The following ZNF385D variants were observed in gnomAD, a reference collection of about 807,000 sequenced individuals.
ZNF385D encodes zinc finger protein 659.
Under a neutral mutation model 35.8 loss-of-function variants are expected in ZNF385D, and 15 were observed. That is an observed-to-expected ratio of 0.42 (90% CI 0.28 to 0.64). The LOEUF is 0.64. ZNF385D is among the 30% of genes least tolerant of loss of function. The probability of loss-of-function intolerance (pLI) is 0.23; values close to 1 mark genes in which losing one functional copy is unlikely to be tolerated. For synonymous variants in ZNF385D, 212 were observed against 186.8 expected, an observed-to-expected ratio of 1.13 and a Z score of -1.10; for missense variants, 474 against 494.6, an observed-to-expected ratio of 0.96 and a Z score of 0.39.
At chr3:21,758,593 G>C (rs1265546122) in intron 3 of ZNF385D, among the ~76,000 whole-genome samples, 1 of 151,976 alleles carries the variant, frequency 6.6e-6, no homozygotes, top group African/African-American at 2.4e-5. Context: ...AGTGATTCAG[G>C]GGAAATTAAT....
chr3:21,503,568 A>T (rs1253819909), intron 4 of ZNF385D, among the ~76,000 whole-genome samples: 1 of 152,128 alleles, frequency 6.6e-6, no homozygotes, highest in Non-Finnish European at 1.5e-5. Flanking sequence ...ATCTAAATGA[A>T]TTTTTTTAAA....
intron 3 of ZNF385D, among the ~76,000 whole-genome samples, chr3:21,957,648 C>T (rs113245423): frequency 6.6e-6 from 1 of 152,108 alleles, no homozygotes; most frequent in Non-Finnish European, 1.5e-5. Flanking sequence ...GGAATCACTG[C>T]AGGCTTTGTC....
intron 3 of ZNF385D, among the ~76,000 whole-genome samples, chr3:22,061,682 T>A (rs562976602): frequency 5.9e-5 from 9 of 152,298 alleles, no homozygotes; most frequent in African/African-American, 2.2e-4. Flanking sequence ...TTAAGTGTTA[T>A]CTTGTCAAAG....
At chr3:21,639,844 G>A (rs1452636480) in intron 2 of ZNF385D, among the ~76,000 whole-genome samples, 2 of 151,894 alleles carry the variant, frequency 1.3e-5, no homozygotes, top group Admixed American at 1.3e-4. Context: ...TTCACCATGT[G>A]AGTCTGCTGA....
chr3:22,372,619 C>T, exon 2 of ZNF385D: 1 of 645,576 alleles, frequency 1.5e-6, no homozygotes, highest in Non-Finnish European at 1.9e-6. Flanking sequence ...CCTGCAGCTT[C>T]AACGGCGGTG....
chr3:22,147,493 C>T (rs1412107731), intron 3 of ZNF385D, among the ~76,000 whole-genome samples: 1 of 152,032 alleles, frequency 6.6e-6, no homozygotes, highest in African/African-American at 2.4e-5. Flanking sequence ...AAAAGGGAAG[C>T]CTGGAGTTCC....
At chr3:21,521,870 A>G (rs1309048703) in intron 3 of ZNF385D, among the ~76,000 whole-genome samples, 1 of 152,228 alleles carries the variant, frequency 6.6e-6, no homozygotes, top group African/African-American at 2.4e-5. Flanking sequence ...TTCCAGCTAC[A>G]TAAAGAATAC....
rs548524824 is a variant in ZNF385D at position 21,821,649 on chromosome 3, C to T, written c.326-156621G>A. Among the ~76,000 whole-genome samples, 10 of 152,136 alleles carry T rather than the reference C, an allele frequency of 6.6e-5. 1 individual carries two copies. The South Asian group carries it at 2.1e-3, about 32-fold the overall frequency. On this transcript the variant is annotated intron_variant, in intron 3 of 5. Coordinates refer to the ZNF385D transcript ENST00000494108. ...ACCAGAAAAATGTAAATTAAAATCA[C>T]AAGGGGACTTGATTGCAAAAACTAA... is the stretch of plus-strand genomic sequence containing the variant.
At chr3:21,660,798 A>C (rs552879806) in intron 2 of ZNF385D, among the ~76,000 whole-genome samples, 4 of 152,180 alleles carry the variant, frequency 2.6e-5, no homozygotes, top group Non-Finnish European at 5.9e-5. Context: ...TTGTTTGTTT[A>C]GTTATTTTAT....
At chr3:21,754,405 G>T (rs963051882), upstream of ZNF385D, among the ~76,000 whole-genome samples, 3 of 152,136 alleles carry the variant, frequency 2.0e-5, no homozygotes, top group African/African-American at 7.2e-5. Flanking sequence ...TCTGGGGTCA[G>T]CTGTAGCACC....
chr3:22,172,347 A>G (rs866797252), intron 2 of ZNF385D, among the ~76,000 whole-genome samples: 1 of 152,264 alleles, frequency 6.6e-6, no homozygotes, highest in African/African-American at 2.4e-5. Flanking sequence ...AGGAATAATT[A>G]AAATGTGGCA....
intron 3 of ZNF385D, among the ~76,000 whole-genome samples, chr3:22,041,453 C>T (rs984251947): frequency 2.6e-5 from 4 of 152,052 alleles, no homozygotes. Flanking sequence ...TTATATTAAG[C>T]AAAACCACAA....
chr3:22,318,504 A>G (rs1704025255), intron 2 of ZNF385D, among the ~76,000 whole-genome samples: 1 of 152,174 alleles, frequency 6.6e-6, no homozygotes, highest in Admixed American at 6.6e-5. Context: ...ACTAGGAGAT[A>G]AATTAAATTT....
At position 21,608,012 on chromosome 3, in the gene ZNF385D, C is replaced by CTTT. The variant is rs368555930; in HGVS notation, c.166-43331_166-43329dup. On this transcript the variant is annotated intron_variant, in intron 2 of 7. Transcript: ENST00000281523. Reference sequence around the variant, plus strand: ...ATGAAAAGATGTAATTCTTTTTCTTCTTTTTTTTTTGTTTTTTTTTTTTGA... The same window carrying CTTT: ...ATGAAAAGATGTAATTCTTTTTCTTCTTTTTTTTTTTTTGTTTTTTTTTTTTGA... Among the ~76,000 whole-genome samples, 72 of 123,952 alleles carry CTTT rather than the reference C, an allele frequency of 5.8e-4. 2 individuals are homozygous for CTTT. The highest frequency in any genetic ancestry group is 2.2e-3 in the African/African-American group (70 of 31,988). 81.3% of individuals were successfully genotyped at this position (123,952 alleles called of 152,430 possible).
chr3:21,976,539 C>A (rs1703635285), intron 3 of ZNF385D, among the ~76,000 whole-genome samples: 1 of 152,060 alleles, frequency 6.6e-6, no homozygotes, highest in African/African-American at 2.4e-5. Context: ...AGGAAATACA[C>A]AGAAGAGTAC....
chr3:22,115,577 G>C (rs1702764085), intron 3 of ZNF385D, among the ~76,000 whole-genome samples: 1 of 152,046 alleles, frequency 6.6e-6, no homozygotes, highest in African/African-American at 2.4e-5. Flanking sequence ...TAATGGCAAA[G>C]ATAATTGATT....
At chr3:21,989,896 C>G (rs1303622674) in intron 3 of ZNF385D, among the ~76,000 whole-genome samples, 2 of 152,168 alleles carry the variant, frequency 1.3e-5, no homozygotes, top group Non-Finnish European at 2.9e-5. Flanking sequence ...CTTTCTGTTT[C>G]TAATCTCCCT....
intron 3 of ZNF385D, among the ~76,000 whole-genome samples, chr3:21,826,821 TAAAA>T (rs55642872): frequency 7.2e-6 from 1 of 138,618 alleles, no homozygotes; most frequent in East Asian, 2.1e-4. Context: ...ATCAGAAAAT[TAAAA>T]AAAAAAAAAA....
intron 3 of ZNF385D, among the ~76,000 whole-genome samples, chr3:21,520,088 C>T (rs1268068382): frequency 1.3e-5 from 2 of 152,114 alleles, no homozygotes; most frequent in Non-Finnish European, 2.9e-5. Context: ...TAGCTCTCCT[C>T]ACTTTGTTTT....
Sources: allele counts gnomAD v4.1 joint callset (sites outside exome capture counted in the v4.1 genomes callset), GRCh38; gene constraint gnomAD v4.1.1; transcripts MANE v1.5; gene names NCBI Gene and HGNC (gene_info 2026-07-23, HGNC 2026-07-21).